The following TCF12 variants were observed in gnomAD, a reference collection of about 807,000 sequenced individuals.
TCF12 encodes transcription factor 12.
TCF12 carries 45 observed loss-of-function variants against 86.0 expected under a neutral mutation model. The observed-to-expected ratio is 0.52, with a 90% confidence interval of 0.41 to 0.67. The LOEUF (loss-of-function observed/expected upper bound fraction) is 0.67, where lower values mean the gene tolerates loss of function less well. TCF12 is among the 30% of genes least tolerant of loss of function. TCF12 has a pLI of 0.00. For synonymous variants in TCF12, 330 were observed against 299.6 expected (o/e 1.10, Z -1.05); for missense variants, 881 against 859.9 (o/e 1.02, Z -0.31).
intron 4 of TCF12, among the ~76,000 whole-genome samples, chr15:57,075,787 T>TC (rs1491544462): frequency 1.3e-4 from 7 of 54,456 alleles, no homozygotes; most frequent in African/African-American, 4.2e-4. Flanking sequence ...TCTTTCTTTC[T>TC]TTCTTTCTTT....
intron 4 of TCF12, among the ~76,000 whole-genome samples, chr15:57,075,804 T>TTCTTTCTTTCTGTCTC (rs1461514777): frequency 7.0e-5 from 2 of 28,590 alleles, no homozygotes; most frequent in African/African-American, 2.8e-4. Flanking sequence ...CTTTCTTTCT[T>TTCTTTCTTTCTGTCTC]TCTCTCTCTC....
intron 8 of TCF12, among the ~76,000 whole-genome samples, chr15:57,205,115 T>C (rs1160523522): frequency 6.6e-6 from 1 of 151,952 alleles, no homozygotes; most frequent in East Asian, 1.9e-4. Context: ...GAGTTCGAGA[T>C]CTGCCTAGCC....
chr15:57,261,524 C>A (rs1184241765), intron 16 of TCF12, among the ~76,000 whole-genome samples: 1 of 152,088 alleles, frequency 6.6e-6, no homozygotes. Context: ...CAGTGGTTCT[C>A]ATGTATAACT....
At chr15:57,029,632 T>G (rs1344072316) in intron 3 of TCF12, among the ~76,000 whole-genome samples, 1 of 152,184 alleles carries the variant, frequency 6.6e-6, no homozygotes, top group Non-Finnish European at 1.5e-5. Flanking sequence ...GGTGTATAAG[T>G]CAATAAACTT....
chr15:56,987,033 A>T (rs1255628425), intron 3 of TCF12, among the ~76,000 whole-genome samples: 1 of 152,178 alleles, frequency 6.6e-6, no homozygotes, highest in Non-Finnish European at 1.5e-5. Context: ...GTTTTTGAGG[A>T]TAACGCCAAT....
chr15:57,083,176 A>G (rs1039513654), intron 4 of TCF12, among the ~76,000 whole-genome samples: 18 of 152,232 alleles, frequency 1.2e-4, no homozygotes, highest in Admixed American at 2.0e-4. Flanking sequence ...GTTTGCTTCT[A>G]ATGGGAATTA....
chr15:57,229,505 TA>T (rs34586241), intron 8 of TCF12, among the ~76,000 whole-genome samples: 70,137 of 148,056 alleles, frequency 0.47, 16,946 homozygotes, highest in Non-Finnish European at 0.55. Context: ...CCAGTCCATT[TA>T]AAAAAAAAAA....
At chr15:57,270,203 G>A (rs1218210277) in intron 18 of TCF12, among the ~76,000 whole-genome samples, 1 of 152,180 alleles carries the variant, frequency 6.6e-6, no homozygotes, top group Non-Finnish European at 1.5e-5. Flanking sequence ...CCAATCAAAT[G>A]TAGATTTGGT....
chr15:57,137,242 A>T (rs931252436), intron 5 of TCF12, among the ~76,000 whole-genome samples: 1 of 152,134 alleles, frequency 6.6e-6, no homozygotes, highest in Non-Finnish European at 1.5e-5. Flanking sequence ...TCGGCCTCCC[A>T]AAGTGCTGGG....
intron 3 of TCF12, among the ~76,000 whole-genome samples, chr15:57,062,800 C>T (rs1215053265): frequency 6.6e-6 from 1 of 152,120 alleles, no homozygotes; most frequent in Non-Finnish European, 1.5e-5. Context: ...CTAGGCTGTT[C>T]TCATGAAAGA....
At chr15:57,187,993 C>T (rs552398371) in intron 6 of TCF12, among the ~76,000 whole-genome samples, 4 of 151,850 alleles carry the variant, frequency 2.6e-5, no homozygotes, top group African/African-American at 9.7e-5. Flanking sequence ...AAAAGGTATC[C>T]AAATTGTAAA....
intron 5 of TCF12, among the ~76,000 whole-genome samples, chr15:57,121,643 A>G (rs1043995694): frequency 4.6e-5 from 7 of 152,186 alleles, no homozygotes; most frequent in South Asian, 2.1e-4. Flanking sequence ...GGAGGCAGCA[A>G]TAAAGTGCCA....
chr15:57,141,766 A>T (rs1176382878), intron 5 of TCF12, among the ~76,000 whole-genome samples: 1 of 152,222 alleles, frequency 6.6e-6, no homozygotes, highest in Non-Finnish European at 1.5e-5. Context: ...ATAATTCTGC[A>T]CTCAAGTGTC....
At chr15:57,044,263 CT>C (rs1384227791) in intron 3 of TCF12, among the ~76,000 whole-genome samples, 4 of 152,052 alleles carry the variant, frequency 2.6e-5, no homozygotes, top group African/African-American at 9.7e-5. Context: ...AAATGTTTCA[CT>C]GTTTAAGAAT....
intron 6 of TCF12, among the ~76,000 whole-genome samples, chr15:57,187,073 A>G (rs1287170854): frequency 5.3e-5 from 8 of 152,068 alleles, no homozygotes; most frequent in Admixed American, 4.6e-4. Flanking sequence ...CCCACTCCTT[A>G]GGAGGCCAAG....
rs570898944 is a variant in TCF12, at chr15:57,115,511, A to C, written c.325+23620A>C. ...TACTTAGGACCTGGTGAAGATGTGA[A>C]TTATATTGGAAGAATCTGTAGTAAG... On this transcript the variant is annotated intron_variant, in intron 5 of 20. Transcript: ENST00000333725. 2.6e-5 allele frequency among the ~76,000 whole-genome samples: 4 copies of C among 152,292 alleles called. No individual in the cohort carries two copies. In the South Asian group the frequency reaches 8.3e-4, roughly 32 times the overall value.
At chr15:57,177,658 C>G (rs2056044489) in intron 6 of TCF12, among the ~76,000 whole-genome samples, 3 of 93,510 alleles carry the variant, frequency 3.2e-5, no homozygotes. Flanking sequence ...GCAGGGCCTA[C>G]TTGGCAGGGA....
At chr15:57,033,820 C>G (rs147335599) in intron 3 of TCF12, among the ~76,000 whole-genome samples, 2 of 152,058 alleles carry the variant, frequency 1.3e-5, no homozygotes, top group African/African-American at 4.8e-5. Context: ...TATACAGGTC[C>G]AAAAGGAAAG....
At chr15:57,231,105 T>C (rs1352349929) in intron 8 of TCF12, 47 bp from the exon 9 acceptor site, 1 of 1,390,608 alleles carries the variant, frequency 7.2e-7, no homozygotes, top group African/African-American at 1.4e-5. Flanking sequence ...ACATAAGTAA[T>C]ATGATAGTCA....
Sources: gnomAD v4.1 joint callset for allele counts (sites outside exome capture counted in the v4.1 genomes callset) on GRCh38, gnomAD v4.1.1 for gene constraint, MANE v1.5 for transcripts, NCBI Gene and HGNC (gene_info 2026-07-23, HGNC 2026-07-21) for gene names.